DIAPH2: variants seen among roughly 807,000 people sequenced by gnomAD.
DIAPH2 encodes the protein diaphanous related formin 2.
A neutral mutation model predicts 92.7 loss-of-function variants in DIAPH2; 35 were observed. The ratio of observed to expected loss-of-function variants is 0.38; its 90% CI spans 0.29 to 0.50. The LOEUF (loss-of-function observed/expected upper bound fraction) is 0.50, where lower values mean the gene tolerates loss of function less well. Ranked by LOEUF, DIAPH2 falls within the 20% of genes least tolerant of loss-of-function variation. The pLI, the probability that DIAPH2 is intolerant of heterozygous loss-of-function variation, is 0.94. For synonymous variants in DIAPH2, 301 were observed against 280.4 expected (o/e 1.07, Z -0.73); for missense variants, 701 against 819.5 (o/e 0.86, Z 1.77).
intron 4 of DIAPH2, among the ~76,000 whole-genome samples, chrX:96,759,541 GCA>G (rs1411598716): frequency 9.0e-6 from 1 of 111,573 alleles, no homozygotes; most frequent in Non-Finnish European, 1.9e-5. Context: ...TCTCATTTTT[GCA>G]CTCAAGTTAT....
chrX:97,518,570 GTATA>G (rs748442573), intron 26 of DIAPH2, among the ~76,000 whole-genome samples: 1 of 108,188 alleles, frequency 9.2e-6, no homozygotes, highest in Non-Finnish European at 1.9e-5. Context: ...ATATATGTGT[GTATA>G]TATATATATA....
chrX:97,032,201 G>T (rs2066380377), intron 17 of DIAPH2, among the ~76,000 whole-genome samples: 1 of 111,314 alleles, frequency 9.0e-6, no homozygotes, highest in Non-Finnish European at 1.9e-5. Context: ...TCTGAGAGAT[G>T]TTTGGGACCT....
chrX:97,474,105 A>T (rs1170797803), intron 26 of DIAPH2, among the ~76,000 whole-genome samples: 2 of 112,704 alleles, frequency 1.8e-5, no homozygotes, highest in Non-Finnish European at 3.7e-5. Context: ...GAGTTGAGCA[A>T]TTGTGACAGA....
rs2071594458 is a variant in DIAPH2, at chrX:97,601,349, C to CTT, written c.*2033_*2034dup. ...TCACCTTTTCCAGATACAAACTTGC[C>CTT]TTATTTTCTAGTTTGTGAACAAGAA... On this transcript the variant is annotated 3_prime_UTR_variant, in exon 27 of 27. Transcript: ENST00000324765. 1 of 111,051 alleles carries CTT rather than the reference C, an allele frequency of 9.0e-6. No individual in the cohort carries two copies. The highest frequency in any genetic ancestry group is 3.3e-5 in the African/African-American group (1 of 30,524). The allele number at this position is 111,051 out of a possible 1,213,427, so 9.2% of individuals were successfully genotyped here. A position where few individuals can be genotyped will look rare whatever the true frequency, so the allele number is the denominator to read the frequency against.
chrX:96,759,622 C>T (rs1202093801), intron 4 of DIAPH2, among the ~76,000 whole-genome samples: 3 of 111,638 alleles, frequency 2.7e-5, no homozygotes, highest in Non-Finnish European at 5.7e-5. Flanking sequence ...GACCTAAAGG[C>T]TGATACACTA....
intron 26 of DIAPH2, among the ~76,000 whole-genome samples, chrX:97,491,956 A>G (rs1223656798): frequency 9.0e-6 from 1 of 111,593 alleles, no homozygotes; most frequent in Non-Finnish European, 1.9e-5. Context: ...TAAGCTGCTG[A>G]CAACTTAACT....
chrX:96,873,647 T>TACACAC (rs3082738), intron 4 of DIAPH2, among the ~76,000 whole-genome samples: 74 of 95,900 alleles, frequency 7.7e-4, no homozygotes, highest in African/African-American at 2.6e-3. Flanking sequence ...CGTATATATA[T>TACACAC]ACACACACAC....
chrX:96,957,510 C>T (rs1198964726), intron 15 of DIAPH2, among the ~76,000 whole-genome samples: 1 of 111,178 alleles, frequency 9.0e-6, no homozygotes. Flanking sequence ...CTTGTGAGAG[C>T]TTGCTCATGA....
intron 24 of DIAPH2, among the ~76,000 whole-genome samples, chrX:97,380,234 A>G (rs753506189): frequency 9.0e-6 from 1 of 111,284 alleles, no homozygotes; most frequent in Admixed American, 9.6e-5. Context: ...TTCTGTAAAC[A>G]TATTTCTTAT....
intron 23 of DIAPH2, among the ~76,000 whole-genome samples, chrX:97,249,990 G>A (rs776090075): frequency 3.3e-4 from 37 of 110,667 alleles, no homozygotes; most frequent in African/African-American, 1.1e-3. Flanking sequence ...TCAGCTACTC[G>A]GGAGGCTGAG....
At chrX:97,375,509 A>T (rs765103641) in intron 24 of DIAPH2, among the ~76,000 whole-genome samples, 4 of 112,108 alleles carry the variant, frequency 3.6e-5, no homozygotes, top group Admixed American at 2.8e-4. Context: ...AGCCAAAACA[A>T]TTCAAGCACA....
At chrX:96,902,673 AATAAAT>A (rs780963792) in intron 5 of DIAPH2, among the ~76,000 whole-genome samples, 5 of 111,692 alleles carry the variant, frequency 4.5e-5, no homozygotes, top group Non-Finnish European at 9.4e-5. Flanking sequence ...TGTCAATAAA[AATAAAT>A]ATAAATTTAA....
intron 17 of DIAPH2, among the ~76,000 whole-genome samples, chrX:97,051,862 A>C (rs2066522633): frequency 8.9e-6 from 1 of 112,085 alleles, no homozygotes; most frequent in South Asian, 3.6e-4. Context: ...TTGCTCAAAA[A>C]TAAAAGCTGT....
At chrX:97,056,433 T>G (rs748307462) in intron 17 of DIAPH2, among the ~76,000 whole-genome samples, 1 of 111,709 alleles carries the variant, frequency 9.0e-6, no homozygotes, top group Non-Finnish European at 1.9e-5. Flanking sequence ...ATTCTTTATT[T>G]TAAAACTGAT....
At chrX:97,528,224 G>A (rs1314290684) in intron 26 of DIAPH2, 1 of 112,361 alleles carries the variant, frequency 8.9e-6, no homozygotes, top group Non-Finnish European at 1.9e-5. Flanking sequence ...ATAAGGAGAT[G>A]ATATGTAAAC....
rs2071603774 is a variant in DIAPH2, at chrX:97,602,991, C to T, written c.*3674C>T. 9.0e-6 allele frequency: 1 copy of T among 111,401 alleles called. No individual in the cohort carries two copies. Among genetic ancestry groups the T allele is most frequent in the Admixed American group, 9.5e-5 (1 of 10,489 alleles). The allele number at this position is 111,401 out of a possible 1,213,427, so 9.2% of individuals were successfully genotyped here. A position where few individuals can be genotyped will look rare whatever the true frequency, so the allele number is the denominator to read the frequency against. ...GTCCTCACAGATTTTTCCTGAACAA[C>T]CCCATCTCTATTCTTGGCTTCTGTT... On this transcript the variant is annotated 3_prime_UTR_variant, in exon 27 of 27. Transcript: ENST00000324765.
chrX:97,396,064 A>G (rs2069700614), intron 25 of DIAPH2, among the ~76,000 whole-genome samples: 1 of 112,575 alleles, frequency 8.9e-6, no homozygotes, highest in African/African-American at 3.2e-5. Context: ...ATAAGAAATT[A>G]CCAAAACACA....
At chrX:96,989,129 T>G (rs1569272794) in intron 17 of DIAPH2, among the ~76,000 whole-genome samples, 2 of 111,843 alleles carry the variant, frequency 1.8e-5, no homozygotes, top group African/African-American at 6.5e-5. Flanking sequence ...TCCAGGAAAT[T>G]TTAAAAGGTT....
intron 26 of DIAPH2, among the ~76,000 whole-genome samples, chrX:97,547,544 G>C (rs2147861060): frequency 8.9e-6 from 1 of 112,323 alleles, no homozygotes; most frequent in Admixed American, 9.4e-5. Flanking sequence ...AGATGTTGAA[G>C]TCTGACCAGC....
Sources: allele counts gnomAD v4.1 joint callset (sites outside exome capture counted in the v4.1 genomes callset), GRCh38; gene constraint gnomAD v4.1.1; transcripts MANE v1.5; gene names NCBI Gene and HGNC (gene_info 2026-07-23, HGNC 2026-07-21).